The following ITSN1 variants were observed in gnomAD, a reference collection of about 807,000 sequenced individuals.
ITSN1 encodes the protein intersectin 1.
Under a neutral mutation model 239.8 loss-of-function variants are expected in ITSN1, and 58 were observed. The ratio of observed to expected loss-of-function variants is 0.24; its 90% CI spans 0.20 to 0.30. The LOEUF is 0.30. ITSN1 is among the 10% of genes least tolerant of loss of function. The probability of loss-of-function intolerance (pLI) is 1.00; values close to 1 mark genes in which losing one functional copy is unlikely to be tolerated. For missense variants in ITSN1, 1,558 were observed against 2,103.3 expected (o/e 0.74, Z 5.07); for synonymous variants, 780 against 770.8 (o/e 1.01, Z -0.20).
At chr21:33,650,411 G>T (rs1200427245) in intron 1 of ITSN1, among the ~76,000 whole-genome samples, 6 of 152,178 alleles carry the variant, frequency 3.9e-5, no homozygotes, top group Non-Finnish European at 7.3e-5. Flanking sequence ...GTGTGTGTCT[G>T]TTTGCCTGTG....
Position 33,885,649 on chromosome 21 carries a change from G to T in ITSN1, c.4843+127G>T. The T allele has an allele frequency of 1.4e-5, 10 of 719,828 alleles. No individual in the cohort carries two copies. In the South Asian group the frequency reaches 1.6e-4, roughly 12 times the overall value. The allele number at this position is 719,828 out of a possible 1,614,324, so 44.6% of individuals were successfully genotyped here. A position where few individuals can be genotyped will look rare whatever the true frequency, so the allele number is the denominator to read the frequency against. On this transcript the variant is annotated intron_variant, in intron 38 of 39. Transcript: ENST00000381318. ...ACTCCCTGATCTCCTTCCAGAATTG[G>T]TTTAACTAGCACTTGTTAAAAACCT...
intron 29 of ITSN1, among the ~76,000 whole-genome samples, chr21:33,843,427 T>C (rs929800886): frequency 6.6e-6 from 1 of 152,168 alleles, no homozygotes; most frequent in Non-Finnish European, 1.5e-5. Context: ...CCTTTGTCCT[T>C]CTCTCCTCCA....
intron 34 of ITSN1, 86 bp downstream of exon 34, chr21:33,875,607 A>G: frequency 7.7e-7 from 1 of 1,294,538 alleles, no homozygotes; most frequent in Non-Finnish European, 1.1e-6. Flanking sequence ...AGCATGAACC[A>G]TTCTCCTCCC....
At chr21:33,768,196 T>C (rs1416029794) in intron 11 of ITSN1, among the ~76,000 whole-genome samples, 1 of 152,226 alleles carries the variant, frequency 6.6e-6, no homozygotes, top group African/African-American at 2.4e-5. Flanking sequence ...AATCATCTAC[T>C]GTTGTTTTCT....
chr21:33,867,257 A>C lies in ITSN1; in HGVS notation c.4099A>C (p.Lys1367Gln). Residue 1367 changes from lysine to glutamine, a missense_variant, in exon 33 of 40, where the codon AAA becomes CAA. Lys to Gln is a moderately conservative substitution (Grantham distance 53). Transcript: ENST00000381318. Reference protein sequence around the residue: ...VKRLAMDPRCKGMPLSSFILK... With the variant: ...VKRLAMDPRCQGMPLSSFILK... ...GAGATTGGCAATGGATCCTCGGTGT[A>C]AAGGGATGCCACTCTCTAGTTTTAT... 1 of 1,609,424 alleles carries C rather than the reference A, an allele frequency of 6.2e-7. No individual in the cohort carries two copies. The highest frequency in any genetic ancestry group is 8.5e-7 in the Non-Finnish European group (1 of 1,175,774).
At chr21:33,883,063 A>G (rs1569341853) in intron 35 of ITSN1, among the ~76,000 whole-genome samples, 1 of 152,114 alleles carries the variant, frequency 6.6e-6, no homozygotes, top group Non-Finnish European at 1.5e-5. Context: ...TAGCTTTATT[A>G]TGGGAAAAAA....
At chr21:33,723,897 A>T (rs534159092) in intron 4 of ITSN1, among the ~76,000 whole-genome samples, 76 of 152,352 alleles carry the variant, frequency 5.0e-4, no homozygotes, top group African/African-American at 1.8e-3. Context: ...TTTCCAGCTA[A>T]CTACTTTGTC....
chr21:33,716,835 C>A (rs1227688169), intron 1 of ITSN1, among the ~76,000 whole-genome samples: 1 of 151,698 alleles, frequency 6.6e-6, no homozygotes, highest in African/African-American at 2.4e-5. Context: ...GCCTGTAATC[C>A]CAGCTACTCA....
chr21:33,741,185 A>G (rs1290300656), intron 5 of ITSN1, among the ~76,000 whole-genome samples: 1 of 152,200 alleles, frequency 6.6e-6, no homozygotes, highest in Non-Finnish European at 1.5e-5. Context: ...TGAAAGTCTG[A>G]ATGATGGCTC....
chr21:33,734,510 C>T (rs1159460156), intron 4 of ITSN1, among the ~76,000 whole-genome samples: 3 of 152,138 alleles, frequency 2.0e-5, no homozygotes, highest in African/African-American at 7.2e-5. Context: ...CCTAGCATAG[C>T]ATAAGTAGGT....
intron 9 of ITSN1, among the ~76,000 whole-genome samples, chr21:33,765,171 C>G (rs1056583995): frequency 1.3e-5 from 2 of 152,194 alleles, no homozygotes; most frequent in Non-Finnish European, 2.9e-5. Context: ...TATTTACTAC[C>G]TGACCCTTTA....
intron 5 of ITSN1, among the ~76,000 whole-genome samples, chr21:33,747,925 A>G (rs953439093): frequency 2.6e-5 from 4 of 152,214 alleles, no homozygotes; most frequent in Non-Finnish European, 5.9e-5. Context: ...TATGTAGGTT[A>G]ATTTAGAAGA....
At chr21:33,794,758 C>T (rs1280325850) in intron 17 of ITSN1, among the ~76,000 whole-genome samples, 7 of 151,588 alleles carry the variant, frequency 4.6e-5, no homozygotes, top group African/African-American at 1.7e-4. Flanking sequence ...ATGCTAATGG[C>T]CAGTTCACAG....
intron 34 of ITSN1, among the ~76,000 whole-genome samples, chr21:33,877,996 T>TTC (rs1261323802): frequency 2.5e-4 from 36 of 145,590 alleles, no homozygotes; most frequent in African/African-American, 9.1e-4. Flanking sequence ...CTCTTTCTCT[T>TTC]TCTCTCTCTC....
intron 1 of ITSN1, among the ~76,000 whole-genome samples, chr21:33,658,702 G>A (rs2089299430): frequency 6.6e-6 from 1 of 152,108 alleles, no homozygotes; most frequent in Non-Finnish European, 1.5e-5. Context: ...CCTTTCTTCT[G>A]ACCAACCTCT....
intron 1 of ITSN1, among the ~76,000 whole-genome samples, chr21:33,662,191 A>G (rs1172844969): frequency 2.6e-5 from 4 of 151,704 alleles, no homozygotes; most frequent in Non-Finnish European, 5.9e-5. Flanking sequence ...GCCTCCCCCT[A>G]TCTGTCCCTT....
intron 1 of ITSN1, among the ~76,000 whole-genome samples, chr21:33,717,831 T>G (rs1569012053): frequency 6.6e-6 from 1 of 152,184 alleles, no homozygotes; most frequent in Non-Finnish European, 1.5e-5. Flanking sequence ...CCTCCCAAAG[T>G]TCTGGGATTA....
chr21:33,714,155 GGC>G (rs1164990967), intron 1 of ITSN1, among the ~76,000 whole-genome samples: 22 of 152,156 alleles, frequency 1.4e-4, no homozygotes, highest in African/African-American at 5.3e-4. Context: ...GCCATAATTT[GGC>G]TATTGTGTTA....
chr21:33,689,125 C>T (rs1052570346), intron 1 of ITSN1, among the ~76,000 whole-genome samples: 9 of 152,012 alleles, frequency 5.9e-5, no homozygotes, highest in Non-Finnish European at 1.3e-4. Flanking sequence ...GTCACTTGCT[C>T]ATAGTTATTA....
Sources: allele counts gnomAD v4.1 joint callset (sites outside exome capture counted in the v4.1 genomes callset), GRCh38; gene constraint gnomAD v4.1.1; transcripts MANE v1.5; gene names NCBI Gene and HGNC (gene_info 2026-07-23, HGNC 2026-07-21).